The following LARP1B variants were observed in gnomAD, a reference collection of about 807,000 sequenced individuals.
LARP1B encodes the protein La ribonucleoprotein 1B, also known as la-related protein 1B.
LARP1B carries 76 observed loss-of-function variants against 114.2 expected under a neutral mutation model. That is an observed-to-expected ratio of 0.67 (90% confidence interval 0.55 to 0.81). The LOEUF (loss-of-function observed/expected upper bound fraction) is 0.81, where lower values mean the gene tolerates loss of function less well. LARP1B is among the 30% of genes least tolerant of loss of function. LARP1B has a pLI of 0.00. For missense variants in LARP1B, 1,014 were observed against 1,075.8 expected (o/e 0.94, Z 0.80); for synonymous variants, 345 against 348.0 (o/e 0.99, Z 0.10).
At chr4:128,177,826 C>T (rs537445793) in intron 13 of LARP1B, among the ~76,000 whole-genome samples, 3 of 152,038 alleles carry the variant, frequency 2.0e-5, no homozygotes, top group African/African-American at 7.2e-5. Context: ...AGATATAAAC[C>T]CTAGAGAAAT....
chr4:128,063,898 A>T (rs1272988090), intron 1 of LARP1B, among the ~76,000 whole-genome samples: 2 of 151,950 alleles, frequency 1.3e-5, no homozygotes, highest in Non-Finnish European at 2.9e-5. Context: ...TTTAAAATTA[A>T]AGGTTAGCAG....
intron 5 of LARP1B, among the ~76,000 whole-genome samples, chr4:128,088,653 G>A (rs555287906): frequency 2.6e-4 from 39 of 152,240 alleles, no homozygotes; most frequent in African/African-American, 8.9e-4. Flanking sequence ...CTGTGAGTGG[G>A]TTATGAAATC....
chr4:128,207,457 C>G (rs1757911178), intron 19 of LARP1B, 74 bp downstream of exon 19: 1 of 1,043,710 alleles, frequency 9.6e-7, no homozygotes, highest in Non-Finnish European at 1.3e-6. Flanking sequence ...ACTTTTTAAG[C>G]TTTAATTTTG....
intron 15 of LARP1B, among the ~76,000 whole-genome samples, chr4:128,198,465 A>T (rs996229804): frequency 6.6e-6 from 1 of 152,312 alleles, no homozygotes; most frequent in East Asian, 1.9e-4. Flanking sequence ...TTAAGTTGAA[A>T]CTGGAATTGT....
chr4:128,128,890 C>T (rs915496477), intron 11 of LARP1B, among the ~76,000 whole-genome samples: 6 of 152,068 alleles, frequency 3.9e-5, no homozygotes, highest in South Asian at 2.1e-4. Context: ...AGGGGCTGGG[C>T]GCAGTGGCTC....
In LARP1B at chr4:128,122,036, G is replaced by A. The variant is rs868597518; in HGVS notation, c.1372G>A (p.Val458Met). Reference protein sequence around the residue: ...ILIVTQTPPYVKKHPGGDRTG... With the variant: ...ILIVTQTPPYMKKHPGGDRTG... Reference sequence around the variant, plus strand: ...GATTGTAACTCAGACACCACCTTATGTGAAAAAACATCCTGGAGGAGATCG... The same window carrying A: ...GATTGTAACTCAGACACCACCTTATATGAAAAAACATCCTGGAGGAGATCG... Residue 458 changes from valine (V) to methionine (M), a missense_variant, in exon 11 of 20, where the codon GTG (valine) becomes ATG (methionine). Transcript: ENST00000326639. The A allele has an allele frequency of 1.2e-5, 20 of 1,613,784 alleles. No individual in the cohort carries two copies. The Admixed American group carries it at 1.3e-4, about 11-fold the overall frequency.
chr4:128,114,752 T>TA lies in LARP1B; in HGVS notation c.1161+11dup. On this transcript the variant is annotated intron_variant, in intron 10 of 19. Transcript: ENST00000326639. Reference sequence around the variant, plus strand: ...CCCAGTGAAATTGAGGGTAAGTTGTTACAGACTGAGTGAAGTGTGACATAC... The same window carrying TA: ...CCCAGTGAAATTGAGGGTAAGTTGTTAACAGACTGAGTGAAGTGTGACATAC... 6.2e-7 allele frequency: 1 copy of TA among 1,613,398 alleles called. No homozygotes were observed.
Position 128,162,232 on chromosome 4 carries a change from T to C in LARP1B, c.1563T>C (p.Ser521=). 3 of 1,612,722 alleles carry C rather than the reference T, an allele frequency of 1.9e-6. No homozygotes were observed. The highest frequency in any genetic ancestry group is 2.5e-6 in the Non-Finnish European group (3 of 1,179,002). ...ACTTTAAGAAGCTAAATCTCATTAGTAAAGAGCAGTTTGAAAACCTAACAC... is the reference window on the plus strand; with the variant it reads ...ACTTTAAGAAGCTAAATCTCATTAGCAAAGAGCAGTTTGAAAACCTAACAC... ...VENFKKLNLI[S]KEQFENLTPE... Residue 521 remains serine, a synonymous_variant, in exon 12 of 20, where the codon AGT becomes AGC. Transcript: ENST00000326639.
intron 12 of LARP1B, 93 bp downstream of exon 12, chr4:128,162,410 G>T: frequency 1.8e-6 from 2 of 1,135,722 alleles, no homozygotes; most frequent in South Asian, 1.9e-5. Flanking sequence ...CTTTATTTGT[G>T]GAAAATCATT....
chr4:128,068,986 G>A lies in LARP1B; in HGVS notation c.-77-5474G>A, dbSNP rs1764143996. On this transcript the variant is annotated intron_variant, in intron 1 of 19. Coordinates refer to ENST00000326639, the MANE Select transcript of LARP1B (RefSeq NM_018078.4). ...CATGATTGTCCTAAATTGTTTATTAGGTATGAATTTTACAAACTTTACTTA... is the reference window on the plus strand; with the variant it reads ...CATGATTGTCCTAAATTGTTTATTAAGTATGAATTTTACAAACTTTACTTA... 6 of 716,206 alleles carry A rather than the reference G, an allele frequency of 8.4e-6. 1 individual carries two copies. In the South Asian group the frequency reaches 1.2e-4, roughly 14 times the overall value. 44.4% of individuals were successfully genotyped at this position (716,206 alleles called of 1,614,324 possible).
intron 7 of LARP1B, among the ~76,000 whole-genome samples, chr4:128,096,374 T>C (rs1778016599): frequency 6.6e-6 from 1 of 152,202 alleles, no homozygotes. Context: ...TCTCAAAGGC[T>C]ATTATTAAAT....
intron 1 of LARP1B, chr4:128,062,037 C>T (rs979239124): frequency 5.1e-6 from 5 of 985,090 alleles, no homozygotes; most frequent in South Asian, 4.7e-5. Flanking sequence ...TCGCCGTTGC[C>T]GCCGTTGCTG....
At chr4:128,194,889 T>C (rs544915175) in intron 15 of LARP1B, among the ~76,000 whole-genome samples, 3 of 151,848 alleles carry the variant, frequency 2.0e-5, no homozygotes, top group Non-Finnish European at 4.4e-5. Flanking sequence ...GTTTTCTTTT[T>C]TTCTGCTGAA....
intron 8 of LARP1B, among the ~76,000 whole-genome samples, chr4:128,098,747 G>GTGTGTGTGTATATATATATATATATA: frequency 1.3e-4 from 2 of 15,594 alleles, no homozygotes; most frequent in African/African-American, 1.9e-4. Flanking sequence ...ATATGTATGT[G>GTGTGTGTGTATATATATATATATATA]TATATATATA....
chr4:128,108,609 C>T, intron 9 of LARP1B: 1 of 985,412 alleles, frequency 1.0e-6, no homozygotes. Flanking sequence ...GCAACTTGGA[C>T]AGGCATTTTA....
chr4:128,172,937 A>ATGTGTGTGTGTGTGTGTGTGTGTG (rs57382183), intron 12 of LARP1B, among the ~76,000 whole-genome samples: 1 of 137,000 alleles, frequency 7.3e-6, no homozygotes, highest in Admixed American at 7.3e-5. Flanking sequence ...ATCCCATCCA[A>ATGTGTGTGTGTGTGTGTGTGTGTG]TGTGTGTGTG....
downstream of LARP1B, among the ~76,000 whole-genome samples, chr4:128,213,390 GATTATCTCTTTCTGATAA>G (rs1208626402): frequency 6.6e-6 from 1 of 152,086 alleles, no homozygotes; most frequent in Non-Finnish European, 1.5e-5. Context: ...CTTTTGGAGT[GATTATCTCTTTCTGATAA>G]ATTTATGGAG....
In LARP1B at chr4:128,098,759, ATATATATATTTTTTTTTTT is replaced by A. The variant is rs1360196058; in HGVS notation, c.813+431_813+449del. Among the ~76,000 whole-genome samples, 16 of 34,530 alleles carry A rather than the reference ATATATATATTTTTTTTTTT, an allele frequency of 4.6e-4. 1 individual carries two copies. The highest frequency in any genetic ancestry group is 6.7e-4 in the Non-Finnish European group (12 of 17,920). 22.7% of individuals were successfully genotyped at this position (34,530 alleles called of 152,430 possible). On this transcript the variant is annotated intron_variant, in intron 8 of 19. Transcript: ENST00000326639. ...TGTATATGTATGTGTATATATATATATATATATATTTTTTTTTTTTTTTTTTTTTTTTTTTTAAGACAGT... is the reference window on the plus strand; with the variant it reads ...TGTATATGTATGTGTATATATATATATTTTTTTTTTTTTTTTTAAGACAGT...
At chr4:128,222,285 C>T (rs1035378787) in intron 7 of LARP1B, 3 of 455,630 alleles carry the variant, frequency 6.6e-6, no homozygotes, top group Non-Finnish European at 1.3e-5. Flanking sequence ...AATCTGAAAT[C>T]ACACCTTCAG....
Sources: allele counts gnomAD v4.1 joint callset (sites outside exome capture counted in the v4.1 genomes callset), GRCh38; gene constraint gnomAD v4.1.1; transcripts MANE v1.5; gene names NCBI Gene and HGNC (gene_info 2026-07-23, HGNC 2026-07-21).